Variants in TENM2 observed in about 807,000 individuals in gnomAD.
TENM2 encodes the protein teneurin transmembrane protein 2.
Under a neutral mutation model 245.2 loss-of-function variants are expected in TENM2, and 52 were observed. The ratio of observed to expected loss-of-function variants is 0.21; its 90% confidence interval spans 0.17 to 0.27. TENM2 has a LOEUF of 0.27. TENM2 is among the 10% of genes least tolerant of loss of function. The pLI is 1.00. For missense variants in TENM2, 3,046 were observed against 3,666.8 expected (o/e 0.83, Z 4.37); for synonymous variants, 1,363 against 1,438.9 (o/e 0.95, Z 1.19).
At chr5:167,837,136 A>G (rs1769077850) in intron 2 of TENM2, among the ~76,000 whole-genome samples, 1 of 152,064 alleles carries the variant, frequency 6.6e-6, no homozygotes, top group Admixed American at 6.6e-5. Context: ...TATATTTCTC[A>G]CATGATTTAC....
chr5:168,009,000 T>C (rs1785027015), intron 5 of TENM2, among the ~76,000 whole-genome samples: 1 of 152,114 alleles, frequency 6.6e-6, no homozygotes, highest in Non-Finnish European at 1.5e-5. Flanking sequence ...TGGAAGTCTA[T>C]AGAGAAAAAG....
chr5:168,037,624 G>A (rs1278419791), intron 5 of TENM2, among the ~76,000 whole-genome samples: 2 of 149,274 alleles, frequency 1.3e-5, no homozygotes, highest in Admixed American at 6.8e-5. Context: ...AATATTAAGC[G>A]GGTAAGAGGA....
chr5:167,705,819 G>A (rs1758464612), intron 2 of TENM2, among the ~76,000 whole-genome samples: 1 of 151,642 alleles, frequency 6.6e-6, no homozygotes, highest in Non-Finnish European at 1.5e-5. Context: ...TCTGCTTCTA[G>A]GAGTTTGACT....
chr5:167,557,343 GC>G (rs1773321231), intron 2 of TENM2, among the ~76,000 whole-genome samples: 1 of 152,156 alleles, frequency 6.6e-6, no homozygotes, highest in Non-Finnish European at 1.5e-5. Flanking sequence ...GGGTAGGAAA[GC>G]AAAAAAGCTA....
At chr5:167,745,300 G>A (rs965136763) in intron 2 of TENM2, among the ~76,000 whole-genome samples, 3 of 152,208 alleles carry the variant, frequency 2.0e-5, no homozygotes, top group Admixed American at 6.5e-5. Context: ...CTGGCTTGTT[G>A]CAAGTGCTGC....
chr5:167,340,638 T>A (rs952160041), intron 1 of TENM2, among the ~76,000 whole-genome samples: 1 of 152,218 alleles, frequency 6.6e-6, no homozygotes, highest in African/African-American at 2.4e-5. Flanking sequence ...CACTGGACTT[T>A]AGGGCTTCAG....
the TENM2 span, among the ~76,000 whole-genome samples, chr5:167,009,635 G>C: frequency 1.3e-5 from 2 of 151,954 alleles, no homozygotes; most frequent in Non-Finnish European, 2.9e-5. Flanking sequence ...TTTGGCCTTG[G>C]GGTTGTCAAA....
chr5:167,575,741 A>G (rs897413633), intron 2 of TENM2, among the ~76,000 whole-genome samples: 2 of 152,238 alleles, frequency 1.3e-5, no homozygotes, highest in Non-Finnish European at 2.9e-5. Context: ...CAGACAAGAG[A>G]AAAAGACACT....
At chr5:168,024,809 G>A (rs368899458) in intron 5 of TENM2, among the ~76,000 whole-genome samples, 12 of 152,168 alleles carry the variant, frequency 7.9e-5, no homozygotes, top group South Asian at 2.1e-4. Flanking sequence ...AGGGTTTTAC[G>A]TGCGGATTTG....
At chr5:167,361,782 T>G (rs1013819851) in intron 1 of TENM2, among the ~76,000 whole-genome samples, 3 of 152,220 alleles carry the variant, frequency 2.0e-5, no homozygotes, top group Non-Finnish European at 2.9e-5. Context: ...CTCTATTATA[T>G]GTGAATACAT....
At chr5:167,565,596 T>C (rs568887562) in intron 2 of TENM2, among the ~76,000 whole-genome samples, 2 of 152,364 alleles carry the variant, frequency 1.3e-5, no homozygotes, top group East Asian at 3.9e-4. Flanking sequence ...CACAAAGAAA[T>C]GATAGGGCTA....
At chr5:166,993,708 AT>A in the TENM2 span, among the ~76,000 whole-genome samples, 2 of 152,214 alleles carry the variant, frequency 1.3e-5, no homozygotes, top group East Asian at 3.9e-4. Context: ...ATGAAACTAG[AT>A]GTGTTGTAAA....
At chr5:167,724,819 A>C (rs1759877432) in intron 2 of TENM2, among the ~76,000 whole-genome samples, 1 of 152,190 alleles carries the variant, frequency 6.6e-6, no homozygotes, top group Non-Finnish European at 1.5e-5. Context: ...TTTGGGGAAC[A>C]GAAGGAAGAC....
intron 2 of TENM2, among the ~76,000 whole-genome samples, chr5:167,854,367 G>T (rs1012366028): frequency 1.6e-4 from 24 of 152,238 alleles, no homozygotes; most frequent in African/African-American, 5.8e-4. Flanking sequence ...CTTATTTTTT[G>T]GACCATCTCT....
chr5:167,868,370 A>G (rs1010153665), intron 2 of TENM2, among the ~76,000 whole-genome samples: 2 of 152,122 alleles, frequency 1.3e-5, no homozygotes, highest in African/African-American at 4.8e-5. Flanking sequence ...TTATATAAAT[A>G]CATAATATGA....
At chr5:167,012,862 A>AT in the TENM2 span, among the ~76,000 whole-genome samples, 13 of 150,538 alleles carry the variant, frequency 8.6e-5, no homozygotes, top group South Asian at 2.1e-4. Flanking sequence ...GTGTGTGTGT[A>AT]TTTTTTTTTT....
At chr5:167,913,935 T>C (rs964495775) in intron 3 of TENM2, among the ~76,000 whole-genome samples, 1 of 152,238 alleles carries the variant, frequency 6.6e-6, no homozygotes, top group African/African-American at 2.4e-5. Context: ...AGACCATGTA[T>C]ATTAAGTGCT....
the TENM2 span, among the ~76,000 whole-genome samples, chr5:167,211,008 A>G: frequency 2.0e-5 from 3 of 152,134 alleles, no homozygotes; most frequent in Admixed American, 6.5e-5. Flanking sequence ...TGGACGCACA[A>G]ATATCTCTTG....
At chr5:167,822,641 G>T (rs1225758036) in intron 2 of TENM2, among the ~76,000 whole-genome samples, 1 of 151,944 alleles carries the variant, frequency 6.6e-6, no homozygotes, top group African/African-American at 2.4e-5. Flanking sequence ...ATGTCACACT[G>T]GAGATGTTTC....
Sources: gnomAD v4.1 joint callset for allele counts (sites outside exome capture counted in the v4.1 genomes callset) on GRCh38, gnomAD v4.1.1 for gene constraint, MANE v1.5 for transcripts, NCBI Gene and HGNC (gene_info 2026-07-23, HGNC 2026-07-21) for gene names.